LYST: variants seen among roughly 807,000 people sequenced by gnomAD.
LYST encodes lysosomal-trafficking regulator.
Under a neutral mutation model 413.6 loss-of-function variants are expected in LYST, and 192 were observed. The ratio of observed to expected loss-of-function variants is 0.46; its 90% CI spans 0.41 to 0.52. The LOEUF (loss-of-function observed/expected upper bound fraction) is 0.52, where lower values mean the gene tolerates loss of function less well. LYST is among the 20% of genes least tolerant of loss of function. The pLI is 0.00. For synonymous variants in LYST, 1,525 were observed against 1,567.3 expected (o/e 0.97, Z 0.64); for missense variants, 3,815 against 4,499.9 (o/e 0.85, Z 4.35).
At chr1:235,848,356 T>C (rs1350995701) in intron 1 of LYST, among the ~76,000 whole-genome samples, 1 of 151,990 alleles carries the variant, frequency 6.6e-6, no homozygotes, top group Non-Finnish European at 1.5e-5. Flanking sequence ...ACACAACCTA[T>C]CAAAACCTCT....
intron 1 of LYST, among the ~76,000 whole-genome samples, chr1:235,878,509 A>G (rs749242539): frequency 1.6e-4 from 25 of 152,116 alleles, no homozygotes; most frequent in Non-Finnish European, 2.6e-4. Flanking sequence ...TGCTTCCGCC[A>G]TTGTGGTTCC....
intron 19 of LYST, among the ~76,000 whole-genome samples, chr1:235,771,586 A>AATTT (rs1558219707): frequency 6.7e-6 from 1 of 150,260 alleles, no homozygotes; most frequent in African/African-American, 2.5e-5. Flanking sequence ...CACATATTTT[A>AATTT]ATCTATCTTA....
At chr1:235,733,941 T>G in intron 32 of LYST, 35 bp from the exon 33 acceptor site, 1 of 1,055,334 alleles carries the variant, frequency 9.5e-7, no homozygotes, top group Non-Finnish European at 1.4e-6. Flanking sequence ...CTATATAAAA[T>G]TTATTATTTC....
At chr1:235,695,534 T>C (rs551279461) in intron 46 of LYST, among the ~76,000 whole-genome samples, 1 of 152,300 alleles carries the variant, frequency 6.6e-6, no homozygotes, top group South Asian at 2.1e-4. Context: ...AAGATAGGCT[T>C]AGAATATGTT....
chr1:235,808,425 G>GC, intron 5 of LYST, 30 bp downstream of exon 5: 1 of 1,424,616 alleles, frequency 7.0e-7, no homozygotes, highest in Non-Finnish European at 9.7e-7. Context: ...AACAACCCCC[G>GC]CCCCCGCCGC....
Position 235,809,768 on chromosome 1 carries a change from C to G in LYST, c.1050G>C (p.Arg350Ser), listed in dbSNP as rs1673256040. The G allele has an allele frequency of 6.2e-7, 1 of 1,614,006 alleles. No homozygotes were observed. Among genetic ancestry groups the G allele is most frequent in the African/African-American group, 1.3e-5 (1 of 75,022 alleles). The change falls in exon 5 of 53, where the codon AGG becomes AGC. Residue 350 changes from arginine (R) to serine (S), a missense_variant. Around this residue, in one of 4 missense-constraint regions of LYST, gnomAD observed 1,648 missense variants for 1,810.3 expected, o/e 0.91. Coordinates refer to ENST00000389793, the MANE Select transcript of LYST (RefSeq NM_000081.4). This position sits in a 1 kb window ranked among gnomAD's most constrained non-coding sequence, Gnocchi z 4.0. ...STAEMMPENLRKNLTELLRAA... is the reference protein window; with the variant it reads ...STAEMMPENLSKNLTELLRAA... ...CTCTAAGCAATTCAGTTAAATTTTTCCTAAGATTTTCTGGCATCATCTCTG... is the reference window on the plus strand; with the variant it reads ...CTCTAAGCAATTCAGTTAAATTTTTGCTAAGATTTTCTGGCATCATCTCTG...
In LYST at chr1:235,792,043, A is replaced by G. The variant is rs1406693630; in HGVS notation, c.4199T>C (p.Leu1400Pro). The G allele has an allele frequency of 6.2e-7, 1 of 1,613,984 alleles. No homozygotes were observed. Among genetic ancestry groups the G allele is most frequent in the South Asian group, 1.1e-5 (1 of 91,084 alleles). ...ACCGTTGCTTAAATTTGGAGCGTGCAGTAAAGGGAAGGTTAGATACTGTGA... is the reference window on the plus strand; with the variant it reads ...ACCGTTGCTTAAATTTGGAGCGTGCGGTAAAGGGAAGGTTAGATACTGTGA... ...SPSQYLTFPL[L>P]HAPNLSNGVS... Residue 1400 changes from leucine (L) to proline (P), a missense_variant, in exon 12 of 53, where the codon CTG becomes CCG. Physicochemically the swap from Leu to Pro is moderately conservative, Grantham distance 98. This residue lies in a region of LYST where 1,648 missense variants were observed against 1,810.3 expected (regional missense o/e 0.91). Coordinates refer to ENST00000389793, the MANE Select transcript of LYST (RefSeq NM_000081.4).
chr1:235,792,061 T>C lies in LYST; in HGVS notation c.4181A>G (p.Tyr1394Cys). The C allele has an allele frequency of 1.2e-6, 2 of 1,613,748 alleles. No individual in the cohort carries two copies. The highest frequency in any genetic ancestry group is 1.7e-6 in the Non-Finnish European group (2 of 1,179,626). Reference protein sequence around the residue: ...ESDTTMSPSQYLTFPLLHAPN... With the variant: ...ESDTTMSPSQCLTFPLLHAPN... The stretch of plus-strand genomic sequence containing the variant: ...AGCGTGCAGTAAAGGGAAGGTTAGA[T>C]ACTGTGAAGGGCTCATAGTAGTATC... The change falls in exon 12 of 53, where the codon TAT (tyrosine) becomes TGT (cysteine). Residue 1394 changes from tyrosine (Y) to cysteine (C), a missense_variant. Physicochemically the swap from Tyr to Cys is radical, Grantham distance 194. Transcript: ENST00000389793.
chr1:235,743,693 T>C (rs1211996463), intron 30 of LYST, among the ~76,000 whole-genome samples: 1 of 152,168 alleles, frequency 6.6e-6, no homozygotes, highest in Admixed American at 6.5e-5. Flanking sequence ...TAGTCATCAA[T>C]GATGATGATC....
intron 2 of LYST, among the ~76,000 whole-genome samples, chr1:235,831,370 G>A (rs768561960): frequency 9.2e-5 from 14 of 152,148 alleles, no homozygotes; most frequent in Admixed American, 3.3e-4. Flanking sequence ...AGTGTGGGTT[G>A]CAAAGAGGAA....
chr1:235,820,088 C>A (rs1340298917), intron 3 of LYST, among the ~76,000 whole-genome samples: 1 of 152,230 alleles, frequency 6.6e-6, no homozygotes, highest in Non-Finnish European at 1.5e-5. Context: ...CAAGTACCAA[C>A]AAGGTGCCAG....
intron 45 of LYST, among the ~76,000 whole-genome samples, chr1:235,702,464 G>T (rs1661622616): frequency 6.6e-6 from 1 of 152,148 alleles, no homozygotes; most frequent in South Asian, 2.1e-4. Flanking sequence ...TCACTGCCCT[G>T]CGAGGCTTTC....
chr1:235,689,011 TAATAATAATAATAATAAC>T (rs1660434665), intron 47 of LYST, among the ~76,000 whole-genome samples: 1 of 135,504 alleles, frequency 7.4e-6, no homozygotes, highest in African/African-American at 2.8e-5. Context: ...ATAATAATAA[TAATAATAATAATAATAAC>T]AACAACAACA....
At chr1:235,750,156 T>C (rs1472172409) in intron 28 of LYST, among the ~76,000 whole-genome samples, 1 of 152,162 alleles carries the variant, frequency 6.6e-6, no homozygotes, top group Non-Finnish European at 1.5e-5. Context: ...TGAGCACTAA[T>C]GCTAGAACTG....
chr1:235,819,177 G>A (rs1295217539), intron 3 of LYST, among the ~76,000 whole-genome samples: 1 of 152,132 alleles, frequency 6.6e-6, no homozygotes, highest in Non-Finnish European at 1.5e-5. Context: ...ATAGCACTGG[G>A]GGAAACGAGT....
intron 50 of LYST, among the ~76,000 whole-genome samples, 163 bp downstream of exon 50, chr1:235,676,928 T>A (rs957307270): frequency 1.3e-5 from 2 of 152,240 alleles, no homozygotes; most frequent in African/African-American, 4.8e-5. Flanking sequence ...ATTGATGCAC[T>A]CAGTCTTGGA....
In LYST at chr1:235,793,601, C is replaced by T. The variant is rs1432204878; in HGVS notation, c.4018G>A (p.Val1340Ile). 2.5e-6 allele frequency: 4 copies of T among 1,573,834 alleles called. No individual in the cohort carries two copies. ...AAAGATACCAAAAGATCCACCAATACTCTCTGGCATGCTAAATTAAAGAAA... is the reference window on the plus strand; with the variant it reads ...AAAGATACCAAAAGATCCACCAATATTCTCTGGCATGCTAAATTAAAGAAA... ...DDSDFQACQR[V>I]LVDLLVSLMS... The change falls in exon 11 of 53, where the codon GTA becomes ATA. Residue 1340 changes from valine to isoleucine, a missense_variant. Coordinates refer to ENST00000389793, the MANE Select transcript of LYST (RefSeq NM_000081.4).
rs373110254 is a variant in LYST, at chr1:235,791,237, G to A, written c.4543+462C>T. On this transcript the variant is annotated intron_variant, in intron 12 of 52. Coordinates refer to ENST00000389793, the MANE Select transcript of LYST (RefSeq NM_000081.4). The stretch of plus-strand genomic sequence containing the variant: ...GCGGAGGTTGCAGTGAGCCGAGATC[G>A]CGCCATTGCACTCTAGCCTGGGCAA... Among the ~76,000 whole-genome samples the A allele has an allele frequency of 3.3e-5, 5 of 152,034 alleles. No homozygotes were observed. In the South Asian group the frequency reaches 8.3e-4, roughly 25 times the overall value.
intron 47 of LYST, among the ~76,000 whole-genome samples, chr1:235,691,052 G>A (rs1433150125): frequency 6.6e-6 from 1 of 152,070 alleles, no homozygotes; most frequent in Non-Finnish European, 1.5e-5. Flanking sequence ...GAGTAGCTGG[G>A]ACTACAGGCG....
Sources: allele counts gnomAD v4.1 joint callset (sites outside exome capture counted in the v4.1 genomes callset), GRCh38; gene constraint gnomAD v4.1.1; regional missense constraint gnomAD v4.1.1; non-coding constraint Gnocchi (gnomAD v3.1); transcripts MANE v1.5; gene names NCBI Gene and HGNC (gene_info 2026-07-23, HGNC 2026-07-21).